The following PPP1R9A variants were observed in gnomAD, a reference collection of about 807,000 sequenced individuals.
PPP1R9A encodes the protein neurabin-1.
PPP1R9A carries 59 observed loss-of-function variants against 141.9 expected under a neutral mutation model. The ratio of observed to expected loss-of-function variants is 0.42; its 90% CI spans 0.34 to 0.52. The LOEUF (loss-of-function observed/expected upper bound fraction) is 0.52. Ranked by LOEUF, PPP1R9A falls within the 20% of genes least tolerant of loss-of-function variation. PPP1R9A has a pLI of 0.10. For synonymous variants in PPP1R9A, 500 were observed against 569.7 expected, an observed-to-expected ratio of 0.88 and a Z score of 1.74; for missense variants, 1,444 against 1,611.9, an observed-to-expected ratio of 0.90 and a Z score of 1.78.
At chr7:95,276,250 G>A (rs965755135) in intron 16 of PPP1R9A, among the ~76,000 whole-genome samples, 3 of 152,144 alleles carry the variant, frequency 2.0e-5, no homozygotes, top group African/African-American at 7.2e-5. Context: ...CAGCCAGAAA[G>A]GGGGAGGGTG....
intron 2 of PPP1R9A, among the ~76,000 whole-genome samples, chr7:94,978,613 T>C (rs1451188326): frequency 6.6e-6 from 1 of 152,230 alleles, no homozygotes; most frequent in African/African-American, 2.4e-5. Context: ...TTCAGTGGTT[T>C]CTTCGCTGAG....
At chr7:95,228,977 T>C (rs1795529603) in intron 8 of PPP1R9A, among the ~76,000 whole-genome samples, 1 of 152,062 alleles carries the variant, frequency 6.6e-6, no homozygotes, top group Non-Finnish European at 1.5e-5. Flanking sequence ...CTGGCTCACA[T>C]CTATAATCTT....
At chr7:95,066,602 A>T (rs1812981585) in intron 2 of PPP1R9A, among the ~76,000 whole-genome samples, 1 of 152,220 alleles carries the variant, frequency 6.6e-6, no homozygotes, top group African/African-American at 2.4e-5. Flanking sequence ...TTAAAAGGAG[A>T]GTGGACATTT....
intron 2 of PPP1R9A, among the ~76,000 whole-genome samples, chr7:94,928,373 T>A (rs1273451659): frequency 1.3e-5 from 2 of 152,196 alleles, no homozygotes; most frequent in Non-Finnish European, 2.9e-5. Flanking sequence ...GATGACATCA[T>A]CACTTTGCTA....
intron 2 of PPP1R9A, among the ~76,000 whole-genome samples, chr7:94,967,585 A>C (rs527252891): frequency 1.3e-5 from 2 of 152,260 alleles, no homozygotes; most frequent in South Asian, 4.1e-4. Context: ...CCCAGTAGTC[A>C]TTCAGGAGCA....
intron 5 of PPP1R9A, among the ~76,000 whole-genome samples, chr7:95,166,013 G>A (rs967358152): frequency 3.3e-5 from 5 of 151,978 alleles, no homozygotes; most frequent in Non-Finnish European, 5.9e-5. Flanking sequence ...GCCAGGTGTG[G>A]TGGCACATGC....
At chr7:94,955,872 G>T (rs75714745) in intron 2 of PPP1R9A, among the ~76,000 whole-genome samples, 7,405 of 152,188 alleles carry the variant, frequency 0.049, 717 homozygotes, top group East Asian at 0.41. Flanking sequence ...CTGTGCCCCT[G>T]TTGTAGGATG....
chr7:94,926,870 A>G (rs1563001658), intron 2 of PPP1R9A, among the ~76,000 whole-genome samples: 2 of 152,246 alleles, frequency 1.3e-5, no homozygotes, highest in East Asian at 1.9e-4. Flanking sequence ...TCCAGAAAAC[A>G]GTTTTTCATT....
chr7:94,944,532 C>G (rs1396317346), intron 2 of PPP1R9A, among the ~76,000 whole-genome samples: 1 of 131,336 alleles, frequency 7.6e-6, no homozygotes, highest in Non-Finnish European at 1.5e-5. Context: ...CTAATTTTTA[C>G]TTAAGGGGGA....
At chr7:95,099,969 G>A (rs894076679) in intron 2 of PPP1R9A, among the ~76,000 whole-genome samples, 4 of 151,760 alleles carry the variant, frequency 2.6e-5, no homozygotes, top group Non-Finnish European at 5.9e-5. Flanking sequence ...TGCTTATCTT[G>A]AAATATTATT....
chr7:95,072,773 A>T (rs11772215), intron 2 of PPP1R9A, among the ~76,000 whole-genome samples: 40,457 of 101,230 alleles, frequency 0.4, 8,741 homozygotes, highest in African/African-American at 0.45. Flanking sequence ...TATATATATT[A>T]AATATATATA....
At position 95,072,676 on chromosome 7, in the gene PPP1R9A, T is replaced by A. The variant is rs1448863420; in HGVS notation, c.1396-38583T>A. Among the ~76,000 whole-genome samples, 3 of 120,972 alleles carry A rather than the reference T, an allele frequency of 2.5e-5. No homozygotes were observed. The East Asian group carries it at 6.3e-4, about 26-fold the overall frequency. The allele number at this position is 120,972 out of a possible 152,430, so 79.4% of individuals were successfully genotyped here. A position where few individuals can be genotyped will look rare whatever the true frequency, so the allele number is the denominator to read the frequency against. ...TATAAAATATATATTATATATTATA[T>A]TACATATTATATATTATGTAATATA... On this transcript the variant is annotated intron_variant, in intron 2 of 19. Coordinates refer to ENST00000433360, the MANE Select transcript of PPP1R9A (RefSeq NM_001166160.2).
chr7:95,223,632 T>C (rs994760312), intron 7 of PPP1R9A, among the ~76,000 whole-genome samples: 2 of 152,060 alleles, frequency 1.3e-5, no homozygotes, highest in African/African-American at 4.8e-5. Context: ...ATTTTCAAGC[T>C]AGCAAAAGGA....
intron 8 of PPP1R9A, among the ~76,000 whole-genome samples, chr7:95,242,891 C>A (rs1046984694): frequency 3.3e-5 from 5 of 152,126 alleles, no homozygotes; most frequent in African/African-American, 1.2e-4. Context: ...TTCTATTAAC[C>A]AGCCCTGTTA....
chr7:95,073,793 G>T (rs1814389352), intron 2 of PPP1R9A, among the ~76,000 whole-genome samples: 2 of 151,542 alleles, frequency 1.3e-5, no homozygotes, highest in East Asian at 3.9e-4. Context: ...TGTTGCCTAG[G>T]TTGGTCTTTA....
At chr7:94,988,829 G>C (rs866583765) in intron 2 of PPP1R9A, among the ~76,000 whole-genome samples, 1 of 151,572 alleles carries the variant, frequency 6.6e-6, no homozygotes. Flanking sequence ...TTGATAACCT[G>C]CCTCCCACCC....
chr7:95,289,334 C>T (rs1006056324), intron 19 of PPP1R9A, among the ~76,000 whole-genome samples: 4 of 152,224 alleles, frequency 2.6e-5, no homozygotes, highest in African/African-American at 9.6e-5. Flanking sequence ...CCTCAGCCCC[C>T]TGCTGGGCTG....
chr7:95,036,047 A>G (rs1808384804), intron 2 of PPP1R9A: 1 of 152,328 alleles, frequency 6.6e-6, no homozygotes, highest in African/African-American at 2.4e-5. Context: ...CGGCTCTCTT[A>G]ATAAGATCAT....
chr7:94,929,644 A>G (rs1793919617), intron 2 of PPP1R9A, among the ~76,000 whole-genome samples: 1 of 152,158 alleles, frequency 6.6e-6, no homozygotes, highest in Non-Finnish European at 1.5e-5. Flanking sequence ...TAGTTTGCAC[A>G]CTTTTCTGAA....
Sources: allele counts gnomAD v4.1 joint callset (sites outside exome capture counted in the v4.1 genomes callset), GRCh38; gene constraint gnomAD v4.1.1; transcripts MANE v1.5; gene names NCBI Gene and HGNC (gene_info 2026-07-23, HGNC 2026-07-21).